The following SNX7 variants were observed in gnomAD, a reference collection of about 807,000 sequenced individuals.
SNX7 encodes sorting nexin-7.
A neutral mutation model predicts 48.4 loss-of-function variants in SNX7; 35 were observed. That is an observed-to-expected ratio of 0.72 (90% CI 0.55 to 0.96). SNX7 has a LOEUF of 0.96. Among genes scored for constraint, SNX7 ranks in the 40% least tolerant of loss-of-function variants. The probability of loss-of-function intolerance (pLI) is 0.00; values close to 1 mark genes in which losing one functional copy is unlikely to be tolerated. For synonymous variants in SNX7, 190 were observed against 190.2 expected (o/e 1.00, Z 0.01); for missense variants, 553 against 548.9 (o/e 1.01, Z -0.07).
chr1:98,721,545 C>T (rs1652872504), intron 7 of SNX7, among the ~76,000 whole-genome samples: 1 of 151,980 alleles, frequency 6.6e-6, no homozygotes, highest in Non-Finnish European at 1.5e-5. Flanking sequence ...CACTTTTATA[C>T]TTCAATAAGC....
intron 7 of SNX7, among the ~76,000 whole-genome samples, chr1:98,708,721 C>G (rs1652144185): frequency 6.6e-6 from 1 of 152,124 alleles, no homozygotes; most frequent in South Asian, 2.1e-4. Context: ...TCCGGCAGCC[C>G]TGTCTCATTC....
At chr1:98,709,709 C>T (rs1430855037) in intron 7 of SNX7, among the ~76,000 whole-genome samples, 1 of 152,140 alleles carries the variant, frequency 6.6e-6, no homozygotes, top group East Asian at 1.9e-4. Context: ...GGTTTTATAT[C>T]TGATCTTATC....
intron 1 of SNX7, among the ~76,000 whole-genome samples, chr1:98,666,201 T>C (rs1363224292): frequency 1.3e-5 from 2 of 152,168 alleles, no homozygotes; most frequent in African/African-American, 4.8e-5. Flanking sequence ...GCGGGGACTA[T>C]TTATGGAATT....
At chr1:98,722,303 T>G (rs1652927949) in intron 7 of SNX7, among the ~76,000 whole-genome samples, 1 of 152,158 alleles carries the variant, frequency 6.6e-6, no homozygotes, top group Non-Finnish European at 1.5e-5. Context: ...AAGGTACTAC[T>G]TAGTAATCAC....
At chr1:98,701,043 A>G (rs1651722018) in intron 6 of SNX7, among the ~76,000 whole-genome samples, 1 of 152,208 alleles carries the variant, frequency 6.6e-6, no homozygotes, top group Admixed American at 6.5e-5. Context: ...GTACAAATAA[A>G]AAGAGTCCTT....
chr1:98,661,678 G>A (rs1269492096), upstream of SNX7: 5 of 1,191,164 alleles, frequency 4.2e-6, no homozygotes, highest in Middle Eastern at 3.3e-4. Flanking sequence ...GGGCACGCTC[G>A]GGGGAGCCGG....
chr1:98,721,247 A>C (rs1652857864), intron 7 of SNX7, among the ~76,000 whole-genome samples: 1 of 152,102 alleles, frequency 6.6e-6, no homozygotes. Flanking sequence ...GGTGTAGTGC[A>C]GATATTCCAA....
rs755590808 is a variant in SNX7 at position 98,695,503 on chromosome 1, G to T, written c.640-15G>T. 6 of 1,609,104 alleles carry T rather than the reference G, an allele frequency of 3.7e-6. No homozygotes were observed. Among genetic ancestry groups the T allele is most frequent in the Non-Finnish European group, 4.2e-6 (5 of 1,178,388 alleles). On this transcript the variant is annotated splice_polypyrimidine_tract_variant and intron_variant, in intron 4 of 8. Coordinates refer to ENST00000306121, the MANE Select transcript of SNX7 (RefSeq NM_015976.5). Reference sequence around the variant, plus strand: ...AGACTTGTTTCACTAGAAATACTTGGTTTTTTGTTTCTAGGAACTCTCTTC... The same window carrying T: ...AGACTTGTTTCACTAGAAATACTTGTTTTTTTGTTTCTAGGAACTCTCTTC...
In SNX7 at chr1:98,737,738, C is replaced by T. The variant is rs371291340; in HGVS notation, c.1126-499C>T. 2.0e-3 allele frequency among the ~76,000 whole-genome samples: 310 copies of T among 152,176 alleles called. 1 individual carries two copies. Among genetic ancestry groups the T allele is most frequent in the Middle Eastern group, 0.01 (3 of 294 alleles). The stretch of plus-strand genomic sequence containing the variant: ...TGAGTAGAGTTTGCAGGTTAATCCC[C>T]TGGGCCTCCAGGTGGGACTACAGAG... On this transcript the variant is annotated intron_variant, in intron 7 of 8. Coordinates refer to ENST00000306121, the MANE Select transcript of SNX7 (RefSeq NM_015976.5).
chr1:98,713,619 C>T (rs1465021751), intron 7 of SNX7, among the ~76,000 whole-genome samples: 1 of 152,126 alleles, frequency 6.6e-6, no homozygotes, highest in Non-Finnish European at 1.5e-5. Flanking sequence ...TCATTTGTAG[C>T]TTTTGATTTA....
chr1:98,699,956 T>A (rs1651666430), intron 6 of SNX7, among the ~76,000 whole-genome samples: 1 of 152,208 alleles, frequency 6.6e-6, no homozygotes, highest in South Asian at 2.1e-4. Context: ...CTTGGCTACA[T>A]CCTTTGGTTT....
rs150699960 is a variant in SNX7 at position 98,730,276 on chromosome 1, G to A, written c.1126-7961G>A. 6.9e-3 allele frequency among the ~76,000 whole-genome samples: 1,042 copies of A among 151,994 alleles called. 10 individuals are homozygous for A. The highest frequency in any genetic ancestry group is 0.023 in the African/African-American group (947 of 41,480). ...AACATAACTCAAAATAATAGGAGCC[G>A]TTTATGACAAACCCACAGCCATATC... On this transcript the variant is annotated intron_variant, in intron 7 of 8. Coordinates refer to ENST00000306121, the MANE Select transcript of SNX7 (RefSeq NM_015976.5).
chr1:98,741,414 A>G (rs943416577), intron 8 of SNX7, among the ~76,000 whole-genome samples: 3 of 152,194 alleles, frequency 2.0e-5, no homozygotes, highest in African/African-American at 4.8e-5. Flanking sequence ...ATCTAAGAAC[A>G]TGTAATAATC....
At chr1:98,732,975 G>A (rs1372297781) in intron 7 of SNX7, among the ~76,000 whole-genome samples, 1 of 152,046 alleles carries the variant, frequency 6.6e-6, no homozygotes, top group Non-Finnish European at 1.5e-5. Flanking sequence ...GGTGCAACTG[G>A]TATGTCAATC....
intron 8 of SNX7, among the ~76,000 whole-genome samples, chr1:98,740,613 G>T (rs1391435537): frequency 6.6e-6 from 1 of 151,822 alleles, no homozygotes; most frequent in Non-Finnish European, 1.5e-5. Flanking sequence ...AAATGTTTGG[G>T]TTTTTACCGT....
At chr1:98,749,631 T>C (rs1209454759) in intron 8 of SNX7, among the ~76,000 whole-genome samples, 1 of 152,084 alleles carries the variant, frequency 6.6e-6, no homozygotes, top group African/African-American at 2.4e-5. Flanking sequence ...TCTGGCAATA[T>C]CAACTCTAAT....
chr1:98,697,652 A>G (rs1245165720), intron 5 of SNX7, among the ~76,000 whole-genome samples: 1 of 152,160 alleles, frequency 6.6e-6, no homozygotes, highest in Non-Finnish European at 1.5e-5. Flanking sequence ...AACTCATTAC[A>G]TATAAGGGTT....
At chr1:98,663,693 A>G (rs1649393457) in intron 1 of SNX7, among the ~76,000 whole-genome samples, 1 of 152,118 alleles carries the variant, frequency 6.6e-6, no homozygotes, top group African/African-American at 2.4e-5. Flanking sequence ...GGCTCCAATC[A>G]TTTATTGAGA....
intron 7 of SNX7, among the ~76,000 whole-genome samples, chr1:98,729,886 G>A (rs1449754274): frequency 2.0e-5 from 3 of 151,986 alleles, no homozygotes; most frequent in Admixed American, 6.6e-5. Context: ...TGAAAAGGAG[G>A]GACTCCCCCC....
Sources: allele counts gnomAD v4.1 joint callset (sites outside exome capture counted in the v4.1 genomes callset), GRCh38; gene constraint gnomAD v4.1.1; transcripts MANE v1.5; gene names NCBI Gene and HGNC (gene_info 2026-07-23, HGNC 2026-07-21).